Variants in RBFOX1 observed in about 807,000 individuals in gnomAD.
RBFOX1 encodes RNA binding fox-1 homolog 1.
A neutral mutation model predicts 57.7 loss-of-function variants in RBFOX1; 8 were observed. The ratio of observed to expected loss-of-function variants is 0.14; its 90% CI spans 0.08 to 0.25. The LOEUF is 0.25. Among genes scored for constraint, RBFOX1 ranks in the 10% least tolerant of loss-of-function variants. The probability of loss-of-function intolerance (pLI) is 1.00; values close to 1 mark genes in which losing one functional copy is unlikely to be tolerated. For missense variants in RBFOX1, 611 were observed against 548.5 expected (o/e 1.11, Z -1.14); for synonymous variants, 326 against 222.4 (o/e 1.47, Z -4.15).
chr16:7,338,632 C>T (rs2144982078), intron 4 of RBFOX1, among the ~76,000 whole-genome samples: 1 of 152,262 alleles, frequency 6.6e-6, no homozygotes, highest in African/African-American at 2.4e-5. Context: ...GTCTCAGACA[C>T]ACACACTGTA....
At chr16:6,199,714 A>G (rs2097203005) in intron 1 of RBFOX1, among the ~76,000 whole-genome samples, 1 of 152,164 alleles carries the variant, frequency 6.6e-6, no homozygotes, top group Admixed American at 6.5e-5. Context: ...GGGGTAGCAG[A>G]TGAGTTTTAT....
intron 4 of RBFOX1, among the ~76,000 whole-genome samples, chr16:7,493,790 T>G (rs2191390): frequency 0.37 from 56,182 of 152,008 alleles, 11,111 homozygotes; most frequent in South Asian, 0.63. Flanking sequence ...TAAAAGAGAA[T>G]ATGTTTGCAT....
chr16:6,980,172 G>C (rs1324389961), intron 3 of RBFOX1, among the ~76,000 whole-genome samples: 2 of 152,090 alleles, frequency 1.3e-5, no homozygotes, highest in African/African-American at 2.4e-5. Context: ...TCCGCAGTTA[G>C]GATTTCTATT....
chr16:7,013,975 A>G (rs774768952), intron 3 of RBFOX1, among the ~76,000 whole-genome samples: 4 of 152,100 alleles, frequency 2.6e-5, no homozygotes, highest in Non-Finnish European at 1.5e-5. Flanking sequence ...TATATACTCT[A>G]TTCCGTACGT....
At chr16:6,863,708 C>T (rs1408029066) in intron 3 of RBFOX1, among the ~76,000 whole-genome samples, 4 of 73,970 alleles carry the variant, frequency 5.4e-5, no homozygotes, top group African/African-American at 1.7e-4. Flanking sequence ...ACCGGAAGCA[C>T]AAATTGGATG....
intron 2 of RBFOX1, among the ~76,000 whole-genome samples, chr16:6,566,245 C>T (rs1054612578): frequency 6.6e-6 from 1 of 152,146 alleles, no homozygotes; most frequent in Non-Finnish European, 1.5e-5. Flanking sequence ...AGATCCACCA[C>T]GGTGAGAAAA....
At chr16:5,632,597 A>G (rs1214381106) in intron 3 of RBFOX1, 1 of 152,160 alleles carries the variant, frequency 6.6e-6, no homozygotes, top group Non-Finnish European at 1.5e-5. Flanking sequence ...TTTATCTGGA[A>G]ATAGCACTCA....
Position 7,491,920 on chromosome 16 carries a change from C to T in RBFOX1, c.28-26227C>T, listed in dbSNP as rs115705548. Among the ~76,000 whole-genome samples the T allele has an allele frequency of 3.5e-3, 538 of 152,118 alleles. 1 individual carries two copies. Among genetic ancestry groups the T allele is most frequent in the African/African-American group, 9.5e-3 (395 of 41,468 alleles). On this transcript the variant is annotated intron_variant, in intron 4 of 15. Transcript: ENST00000550418. The stretch of plus-strand genomic sequence containing the variant: ...CAAATCTGGCTAATTTTCATTGTAC[C>T]ACTCCGTGTGTTCCTTTTTTGTCAT...
chr16:5,471,456 G>T (rs1479372797), intron 2 of RBFOX1, among the ~76,000 whole-genome samples: 1 of 152,180 alleles, frequency 6.6e-6, no homozygotes, highest in Non-Finnish European at 1.5e-5. Flanking sequence ...GAAACTAACA[G>T]AGAGGATCCA....
intron 1 of RBFOX1, among the ~76,000 whole-genome samples, chr16:5,459,437 C>T (rs1240833715): frequency 1.3e-5 from 2 of 152,144 alleles, no homozygotes; most frequent in African/African-American, 4.8e-5. Context: ...TGGAAAGGCT[C>T]TCAGGTCCCC....
chr16:7,327,030 T>C (rs1159279477), intron 4 of RBFOX1, among the ~76,000 whole-genome samples: 1 of 152,176 alleles, frequency 6.6e-6, no homozygotes, highest in East Asian at 1.9e-4. Context: ...GTGTGATCAC[T>C]ATTAAAAGAG....
chr16:6,003,239 A>G lies in RBFOX1; in HGVS notation c.351+135904A>G, dbSNP rs541904736. 3.7e-3 allele frequency among the ~76,000 whole-genome samples: 556 copies of G among 150,030 alleles called. 7 individuals carry two copies. The highest frequency in any genetic ancestry group is 0.013 in the African/African-American group (544 of 40,658). On this transcript the variant is annotated intron_variant, in intron 4 of 19. Coordinates refer to the RBFOX1 transcript ENST00000641259. ...GCTTCCGGTGAGCCGAGATCGCGCC[A>G]CTGCACTCCAGCCTGGGCGACAGAG...
intron 3 of RBFOX1, among the ~76,000 whole-genome samples, chr16:6,742,407 C>G (rs564578739): frequency 6.6e-6 from 1 of 152,196 alleles, no homozygotes; most frequent in African/African-American, 2.4e-5. Flanking sequence ...CACAACTCTT[C>G]TGGCAAATTG....
chr16:5,252,388 T>C (rs531665411), intron 1 of RBFOX1, among the ~76,000 whole-genome samples: 10 of 152,300 alleles, frequency 6.6e-5, no homozygotes, highest in Non-Finnish European at 1.3e-4. Context: ...AAATGATTTG[T>C]TGTTTATCTG....
chr16:5,585,919 C>T (rs766951000), intron 2 of RBFOX1, among the ~76,000 whole-genome samples: 2 of 152,164 alleles, frequency 1.3e-5, no homozygotes, highest in Non-Finnish European at 2.9e-5. Flanking sequence ...GTTCTGGACC[C>T]TGGAACCTGT....
At chr16:7,104,740 C>A (rs1229720858) in intron 4 of RBFOX1, among the ~76,000 whole-genome samples, 3 of 152,110 alleles carry the variant, frequency 2.0e-5, no homozygotes, top group Admixed American at 6.6e-5. Flanking sequence ...TGTTCATTTT[C>A]TTCAACCACT....
intron 4 of RBFOX1, among the ~76,000 whole-genome samples, chr16:7,062,317 C>CAAAAAAAAAAAA (rs57989614): frequency 6.7e-4 from 44 of 65,250 alleles, no homozygotes; most frequent in East Asian, 9.5e-4. Flanking sequence ...GACTCCATCT[C>CAAAAAAAAAAAA]AAAAAAAAAA....
intron 2 of RBFOX1, among the ~76,000 whole-genome samples, chr16:6,534,183 A>T (rs902761792): frequency 6.6e-6 from 1 of 152,190 alleles, no homozygotes; most frequent in African/African-American, 2.4e-5. Flanking sequence ...TGCATAAGTA[A>T]GTTGTATAGT....
intron 3 of RBFOX1, among the ~76,000 whole-genome samples, chr16:6,829,017 C>G (rs557257107): frequency 2.0e-5 from 3 of 152,154 alleles, no homozygotes; most frequent in East Asian, 3.9e-4. Flanking sequence ...CTGACTCATC[C>G]TTGAATTCCT....
Sources: gnomAD v4.1 joint callset for allele counts (sites outside exome capture counted in the v4.1 genomes callset) on GRCh38, gnomAD v4.1.1 for gene constraint, MANE v1.5 for transcripts, NCBI Gene and HGNC (gene_info 2026-07-23, HGNC 2026-07-21) for gene names.